MYO16: variants seen among roughly 807,000 people sequenced by gnomAD.
MYO16 encodes unconventional myosin-XVI.
In MYO16, 94 loss-of-function variants were observed where a neutral mutation model predicts 205.3. That is an observed-to-expected ratio of 0.46 (90% CI 0.39 to 0.54). MYO16 has a LOEUF of 0.54. Ranked by LOEUF, MYO16 falls within the 20% of genes least tolerant of loss-of-function variation. MYO16 has a pLI of 0.00. For synonymous variants in MYO16, 988 were observed against 954.0 expected, an observed-to-expected ratio of 1.04 and a Z score of -0.66; for missense variants, 2,315 against 2,387.5, an observed-to-expected ratio of 0.97 and a Z score of 0.63.
the MYO16 span, among the ~76,000 whole-genome samples, chr13:108,549,104 A>C: frequency 1.3e-5 from 2 of 152,242 alleles, no homozygotes; most frequent in Admixed American, 6.5e-5. Flanking sequence ...TGTAGGCAGA[A>C]TAATGCTTCT....
At chr13:109,175,057 T>G (rs2139903408) in intron 33 of MYO16, among the ~76,000 whole-genome samples, 2 of 152,258 alleles carry the variant, frequency 1.3e-5, no homozygotes, top group South Asian at 2.1e-4. Flanking sequence ...GCCCTCATTC[T>G]TTTCTTTTTA....
chr13:108,774,805 A>G (rs1469904919), intron 4 of MYO16, among the ~76,000 whole-genome samples: 1 of 152,214 alleles, frequency 6.6e-6, no homozygotes, highest in African/African-American at 2.4e-5. Flanking sequence ...TTAGGCTGTT[A>G]GTAGGCACCA....
At chr13:108,655,975 C>A (rs1357945026) in intron 1 of MYO16, among the ~76,000 whole-genome samples, 2 of 152,052 alleles carry the variant, frequency 1.3e-5, no homozygotes, top group Non-Finnish European at 2.9e-5. Flanking sequence ...AGGGACTTGC[C>A]TTGTTTCAGA....
At chr13:109,110,601 A>G (rs567294024) in intron 28 of MYO16, among the ~76,000 whole-genome samples, 7 of 152,330 alleles carry the variant, frequency 4.6e-5, no homozygotes, top group Admixed American at 2.0e-4. Flanking sequence ...GAGAACATGT[A>G]TTTTCATATA....
At chr13:108,958,037 C>A (rs1380631126) in intron 17 of MYO16, among the ~76,000 whole-genome samples, 1 of 151,622 alleles carries the variant, frequency 6.6e-6, no homozygotes, top group Non-Finnish European at 1.5e-5. Context: ...GAAAACAGAG[C>A]AGTCAGCAGA....
intron 7 of MYO16, among the ~76,000 whole-genome samples, chr13:108,812,116 T>G (rs1386072696): frequency 1.3e-5 from 2 of 152,180 alleles, no homozygotes; most frequent in African/African-American, 4.8e-5. Flanking sequence ...TTCCTGAAAT[T>G]GTTAAATTTT....
At chr13:108,805,025 T>A (rs572118119) in intron 6 of MYO16, among the ~76,000 whole-genome samples, 1 of 152,346 alleles carries the variant, frequency 6.6e-6, no homozygotes, top group Non-Finnish European at 1.5e-5. Flanking sequence ...ATTTGTAGAC[T>A]CTGCTTTATG....
At chr13:108,712,067 A>C (rs1477684074) in intron 2 of MYO16, among the ~76,000 whole-genome samples, 1 of 152,196 alleles carries the variant, frequency 6.6e-6, no homozygotes, top group Non-Finnish European at 1.5e-5. Context: ...TTGCTGTTCA[A>C]ATGGAAATAC....
At chr13:108,549,478 A>T in the MYO16 span, among the ~76,000 whole-genome samples, 4 of 152,180 alleles carry the variant, frequency 2.6e-5, no homozygotes, top group African/African-American at 4.8e-5. Flanking sequence ...GTAAAATAAT[A>T]AATCTGTGTT....
the MYO16 span, among the ~76,000 whole-genome samples, chr13:108,552,741 G>T: frequency 2.6e-5 from 4 of 152,098 alleles, no homozygotes; most frequent in Non-Finnish European, 4.4e-5. Flanking sequence ...CTGTGTAACT[G>T]TAACAGAATA....
chr13:109,175,137 A>T (rs1161110591), intron 33 of MYO16, among the ~76,000 whole-genome samples: 1 of 152,032 alleles, frequency 6.6e-6, no homozygotes, highest in Non-Finnish European at 1.5e-5. Context: ...CACTTTTCAA[A>T]ATTACTTCTT....
the MYO16 span, among the ~76,000 whole-genome samples, chr13:108,568,794 C>A: frequency 6.6e-6 from 1 of 151,928 alleles, no homozygotes; most frequent in African/African-American, 2.4e-5. Context: ...GAGATTTACT[C>A]CTACATTTTC....
At chr13:108,941,329 G>A (rs3928846) in intron 16 of MYO16, among the ~76,000 whole-genome samples, 23,999 of 151,996 alleles carry the variant, frequency 0.16, 2,361 homozygotes, top group African/African-American at 0.27. Context: ...AGCCTTCTAC[G>A]AGGGGCCTAC....
intron 2 of MYO16, among the ~76,000 whole-genome samples, chr13:108,712,187 T>G (rs1420559719): frequency 2.0e-5 from 3 of 152,224 alleles, no homozygotes; most frequent in African/African-American, 7.2e-5. Flanking sequence ...TTTGTGAGAA[T>G]GGTGGAAACA....
At chr13:109,102,976 G>A (rs949520596) in intron 28 of MYO16, among the ~76,000 whole-genome samples, 1 of 152,076 alleles carries the variant, frequency 6.6e-6, no homozygotes, top group African/African-American at 2.4e-5. Context: ...GAGTATATTT[G>A]CTTATGAGTT....
chr13:108,927,669 G>A (rs79649529), intron 16 of MYO16, among the ~76,000 whole-genome samples: 11,834 of 152,278 alleles, frequency 0.078, 581 homozygotes, highest in Middle Eastern at 0.15. Flanking sequence ...GCTCTGCAGC[G>A]TGTGAAAATG....
intron 11 of MYO16, among the ~76,000 whole-genome samples, chr13:108,856,479 A>G (rs1878177332): frequency 1.3e-5 from 2 of 152,252 alleles, no homozygotes; most frequent in South Asian, 4.1e-4. Flanking sequence ...GCCACTGTAA[A>G]TACACTTAAA....
chr13:108,809,531 A>C (rs2138989215), intron 7 of MYO16, among the ~76,000 whole-genome samples: 1 of 152,244 alleles, frequency 6.6e-6, no homozygotes, highest in East Asian at 1.9e-4. Flanking sequence ...ACACGGTGGA[A>C]GCAGGAGCAG....
intron 20 of MYO16, among the ~76,000 whole-genome samples, chr13:108,990,147 TACACACACACACACACAC>T (rs56975148): frequency 6.7e-6 from 1 of 148,500 alleles, no homozygotes; most frequent in African/African-American, 2.5e-5. Flanking sequence ...ACACAGACAA[TACACACACACACACACAC>T]ACACACACAC....
Sources: gnomAD v4.1 joint callset for allele counts (sites outside exome capture counted in the v4.1 genomes callset) on GRCh38, gnomAD v4.1.1 for gene constraint, MANE v1.5 for transcripts, NCBI Gene and HGNC (gene_info 2026-07-23, HGNC 2026-07-21) for gene names.